The following ATG7 variants were observed in gnomAD, a reference collection of about 807,000 sequenced individuals.
ATG7 encodes the protein ubiquitin-like modifier-activating enzyme ATG7.
A neutral mutation model predicts 82.4 loss-of-function variants in ATG7; 70 were observed. That is an observed-to-expected ratio of 0.85 (90% CI 0.70 to 1.04). The LOEUF (loss-of-function observed/expected upper bound fraction) is 1.04, where lower values mean the gene tolerates loss of function less well. Among genes scored for constraint, ATG7 ranks in the 50% least tolerant of loss-of-function variants. ATG7 has a pLI of 0.00. For missense variants in ATG7, 792 were observed against 864.3 expected (o/e 0.92, Z 1.05); for synonymous variants, 287 against 313.0 (o/e 0.92, Z 0.88).
chr3:11,346,035 T>TA (rs1214042771), intron 13 of ATG7, among the ~76,000 whole-genome samples: 1 of 152,208 alleles, frequency 6.6e-6, no homozygotes, highest in African/African-American at 2.4e-5. Flanking sequence ...AACATGTCAT[T>TA]AAAAATGATG....
At chr3:11,277,891 A>ACCC (rs71626995) in intron 1 of ATG7, among the ~76,000 whole-genome samples, 1,616 of 60,572 alleles carry the variant, frequency 0.027, 95 homozygotes, top group Admixed American at 0.041. Context: ...CCCTTTATAG[A>ACCC]CCCCCCCCCC....
At chr3:11,379,727 G>A (rs2077728803) in intron 18 of ATG7, among the ~76,000 whole-genome samples, 1 of 152,140 alleles carries the variant, frequency 6.6e-6, no homozygotes, top group African/African-American at 2.4e-5. Context: ...TTTGTTTTTA[G>A]GTCAGAAATA....
At chr3:11,399,878 C>T (rs571628172) in intron 19 of ATG7, among the ~76,000 whole-genome samples, 13 of 152,082 alleles carry the variant, frequency 8.5e-5, no homozygotes, top group Non-Finnish European at 1.3e-4. Context: ...GGCGTGGAAG[C>T]GACTTTGTAG....
intron 14 of ATG7, among the ~76,000 whole-genome samples, chr3:11,351,561 A>G (rs369351882): frequency 1.3e-5 from 2 of 152,320 alleles, no homozygotes; most frequent in East Asian, 3.9e-4. Flanking sequence ...GGCCTGAGAG[A>G]GCAAGTCCAA....
At chr3:11,530,460 C>T (rs2092673436) in intron 20 of ATG7, among the ~76,000 whole-genome samples, 1 of 152,132 alleles carries the variant, frequency 6.6e-6, no homozygotes, top group Admixed American at 6.5e-5. Context: ...AACTTGGATG[C>T]TGAATTGGGA....
At chr3:11,432,604 T>TTTCTTTTC in intron 20 of ATG7, among the ~76,000 whole-genome samples, 1 of 152,146 alleles carries the variant, frequency 6.6e-6, no homozygotes, top group South Asian at 2.1e-4. Flanking sequence ...CTAAAGAACT[T>TTTCTTTTC]ATCTACATAA....
At chr3:11,303,948 G>A (rs1411183798) in intron 5 of ATG7, among the ~76,000 whole-genome samples, 13 of 149,750 alleles carry the variant, frequency 8.7e-5, no homozygotes, top group Admixed American at 6.0e-4. Context: ...AAAATTAGCC[G>A]GGCGTGGTGG....
At chr3:11,488,310 T>A (rs1320376025) in intron 20 of ATG7, 2 of 299,756 alleles carry the variant, frequency 6.7e-6, no homozygotes, top group Non-Finnish European at 1.2e-5. Context: ...CTCCTTGCCC[T>A]CGGGCCCCGC....
intron 18 of ATG7, among the ~76,000 whole-genome samples, chr3:11,369,218 T>C (rs1339886400): frequency 6.6e-6 from 1 of 151,062 alleles, no homozygotes; most frequent in East Asian, 1.9e-4. Flanking sequence ...CATGGACAGA[T>C]GGACTGCTGA....
At chr3:11,513,337 C>A (rs913496141) in intron 20 of ATG7, among the ~76,000 whole-genome samples, 2 of 152,188 alleles carry the variant, frequency 1.3e-5, no homozygotes, top group African/African-American at 4.8e-5. Context: ...CAGGAGCCCA[C>A]GGGAGGCAGA....
intron 20 of ATG7, among the ~76,000 whole-genome samples, chr3:11,449,747 C>A (rs1372205108): frequency 1.3e-5 from 2 of 152,200 alleles, no homozygotes; most frequent in Non-Finnish European, 2.9e-5. Context: ...CACACCTTTC[C>A]CCCTTTGTGC....
At chr3:11,447,141 A>G (rs1469534821) in intron 20 of ATG7, among the ~76,000 whole-genome samples, 1 of 152,162 alleles carries the variant, frequency 6.6e-6, no homozygotes, top group African/African-American at 2.4e-5. Flanking sequence ...AGTGATAGAA[A>G]CCAAAAGCTT....
chr3:11,526,174 T>A (rs1367396964), intron 20 of ATG7, among the ~76,000 whole-genome samples: 1 of 152,138 alleles, frequency 6.6e-6, no homozygotes, highest in Non-Finnish European at 1.5e-5. Context: ...TCAGATCGCT[T>A]GAGCTCAGGA....
At chr3:11,379,810 G>A (rs1224354633) in intron 18 of ATG7, among the ~76,000 whole-genome samples, 162 bp from the exon 19 acceptor site, 2 of 152,170 alleles carry the variant, frequency 1.3e-5, no homozygotes, top group African/African-American at 2.4e-5. Flanking sequence ...AACTGATTAC[G>A]TTACAAGGGA....
At chr3:11,381,658 C>T (rs540058882) in intron 19 of ATG7, among the ~76,000 whole-genome samples, 19 of 152,226 alleles carry the variant, frequency 1.2e-4, no homozygotes, top group Admixed American at 3.9e-4. Flanking sequence ...AAAATTATTT[C>T]CTCTTGGTGA....
In ATG7 at chr3:11,278,532, C is replaced by G. The variant is rs184954736; in HGVS notation, c.-365-2462C>G. Among the ~76,000 whole-genome samples, 578 of 152,338 alleles carry G rather than the reference C, an allele frequency of 3.8e-3. 2 individuals are homozygous for G. Among genetic ancestry groups the G allele is most frequent in the Non-Finnish European group, 6.0e-3 (411 of 68,024 alleles). The stretch of plus-strand genomic sequence containing the variant: ...ATCCTGGTTTGTTCTTTCATTGTTT[C>G]AGTCATCAACAAGTATTTATTGGGC... On this transcript the variant is annotated intron_variant, in intron 1 of 20. Coordinates refer to ENST00000693202, the MANE Select transcript of ATG7 (RefSeq NM_001349232.2).
intron 9 of ATG7, among the ~76,000 whole-genome samples, chr3:11,322,319 G>A (rs113091412): frequency 3.9e-5 from 6 of 152,080 alleles, no homozygotes; most frequent in Middle Eastern, 3.4e-3. Context: ...TTTAAGAATC[G>A]CAAATAGCTC....
At chr3:11,330,498 C>G (rs560789608) in intron 9 of ATG7, among the ~76,000 whole-genome samples, 1 of 152,238 alleles carries the variant, frequency 6.6e-6, no homozygotes, top group Non-Finnish European at 1.5e-5. Context: ...TGGCATGCCC[C>G]AATTCATTTG....
intron 14 of ATG7, among the ~76,000 whole-genome samples, chr3:11,356,439 T>C (rs1162746103): frequency 6.6e-6 from 1 of 152,220 alleles, no homozygotes; most frequent in African/African-American, 2.4e-5. Flanking sequence ...GGTTCTGATA[T>C]ACAGCCAAGT....
Sources: allele counts gnomAD v4.1 joint callset (sites outside exome capture counted in the v4.1 genomes callset), GRCh38; gene constraint gnomAD v4.1.1; transcripts MANE v1.5; gene names NCBI Gene and HGNC (gene_info 2026-07-23, HGNC 2026-07-21).